TBC1D14: variants seen among roughly 807,000 people sequenced by gnomAD.
TBC1D14 encodes TBC1 domain family, member 14.
In TBC1D14, 26 loss-of-function variants were observed where a neutral mutation model predicts 79.0. That is an observed-to-expected ratio of 0.33 (90% CI 0.24 to 0.46). The LOEUF is 0.46. TBC1D14 is among the 20% of genes least tolerant of loss of function. The probability of loss-of-function intolerance (pLI) is 1.00; values close to 1 mark genes in which losing one functional copy is unlikely to be tolerated. For missense variants in TBC1D14, 769 were observed against 887.6 expected (o/e 0.87, Z 1.70); for synonymous variants, 394 against 349.9 (o/e 1.13, Z -1.40).
intron 3 of TBC1D14, among the ~76,000 whole-genome samples, chr4:6,980,862 C>T (rs1438170055): frequency 1.3e-5 from 2 of 150,834 alleles, no homozygotes; most frequent in African/African-American, 4.9e-5. Flanking sequence ...ACTACAGGCG[C>T]CCGCCACCAC....
At chr4:7,005,705 A>G (rs1720123370) in intron 8 of TBC1D14, among the ~76,000 whole-genome samples, 1 of 152,098 alleles carries the variant, frequency 6.6e-6, no homozygotes, top group Admixed American at 6.5e-5. Flanking sequence ...TCTAAAAAAA[A>G]AAAAAGAAAT....
At chr4:6,933,133 G>T (rs1184637550) in intron 2 of TBC1D14, among the ~76,000 whole-genome samples, 5 of 151,448 alleles carry the variant, frequency 3.3e-5, no homozygotes, top group East Asian at 3.9e-4. Flanking sequence ...CAGCAACAAG[G>T]CTTCTTTTGT....
At chr4:6,933,480 A>T (rs1711994286) in intron 2 of TBC1D14, among the ~76,000 whole-genome samples, 1 of 151,154 alleles carries the variant, frequency 6.6e-6, no homozygotes, top group African/African-American at 2.4e-5. Flanking sequence ...AACTTTTAAA[A>T]TTTTTTGTAG....
At chr4:6,987,798 G>A (rs532399848) in intron 3 of TBC1D14, among the ~76,000 whole-genome samples, 1 of 152,326 alleles carries the variant, frequency 6.6e-6, no homozygotes, top group South Asian at 2.1e-4. Context: ...TGGTCAGGTT[G>A]CAACAGCAAC....
At chr4:6,971,598 CA>C (rs751541474) in intron 3 of TBC1D14, among the ~76,000 whole-genome samples, 1 of 152,180 alleles carries the variant, frequency 6.6e-6, no homozygotes, top group Non-Finnish European at 1.5e-5. Flanking sequence ...ATTTTCTTAA[CA>C]GGGGAAACAA....
At chr4:6,941,944 A>G (rs894215980) in intron 2 of TBC1D14, among the ~76,000 whole-genome samples, 7 of 152,178 alleles carry the variant, frequency 4.6e-5, no homozygotes, top group Non-Finnish European at 1.0e-4. Flanking sequence ...GCGATTCAGT[A>G]TGAAATGCAG....
chr4:6,912,102 A>C (rs1723042238), intron 1 of TBC1D14, among the ~76,000 whole-genome samples: 1 of 152,082 alleles, frequency 6.6e-6, no homozygotes, highest in Admixed American at 6.6e-5. Context: ...CGTATAAATA[A>C]AGTTTCAGCT....
intron 4 of TBC1D14, 76 bp downstream of exon 4, chr4:6,994,378 A>AG: frequency 7.5e-7 from 1 of 1,331,496 alleles, no homozygotes; most frequent in South Asian, 1.2e-5. Flanking sequence ...TTTTCATTAG[A>AG]GAAAAACTAG....
chr4:6,921,052 T>G (rs1017019888), intron 1 of TBC1D14, among the ~76,000 whole-genome samples: 1 of 152,100 alleles, frequency 6.6e-6, no homozygotes, highest in African/African-American at 2.4e-5. Context: ...TGTGCTGGGA[T>G]TACAGGCGTG....
chr4:7,012,671 A>C (rs1720893627), intron 11 of TBC1D14, among the ~76,000 whole-genome samples: 1 of 152,268 alleles, frequency 6.6e-6, no homozygotes, highest in Non-Finnish European at 1.5e-5. Flanking sequence ...CGTAAACTAT[A>C]GTGACTGTTG....
At chr4:6,938,914 G>A (rs1337678871) in intron 2 of TBC1D14, among the ~76,000 whole-genome samples, 1 of 152,204 alleles carries the variant, frequency 6.6e-6, no homozygotes, top group East Asian at 1.9e-4. Flanking sequence ...TATCCGTCCC[G>A]GCTGCAGGAG....
chr4:6,914,283 G>A (rs535356634), intron 1 of TBC1D14, among the ~76,000 whole-genome samples: 2 of 152,276 alleles, frequency 1.3e-5, no homozygotes, highest in East Asian at 1.9e-4. Flanking sequence ...AACATACATG[G>A]GCTGAAACTT....
In TBC1D14 at chr4:7,032,799, C is replaced by T. The variant is rs982656028; in HGVS notation, c.*2407C>T. On this transcript the variant is annotated 3_prime_UTR_variant, in exon 14 of 14. Coordinates refer to ENST00000409757, the MANE Select transcript of TBC1D14 (RefSeq NM_020773.3). Reference sequence around the variant, plus strand: ...GGTCTGCACACTCCACTTCACATGCCGTTGACTCTCACAGTCTAAGACTTC... The same window carrying T: ...GGTCTGCACACTCCACTTCACATGCTGTTGACTCTCACAGTCTAAGACTTC... 2.0e-5 allele frequency: 3 copies of T among 152,344 alleles called. No individual in the cohort carries two copies. The highest frequency in any genetic ancestry group is 4.8e-5 in the African/African-American group (2 of 41,572). 9.4% of individuals were successfully genotyped at this position (152,344 alleles called of 1,614,324 possible).
At chr4:7,027,388 TCACA>T (rs1256062280) in intron 13 of TBC1D14, among the ~76,000 whole-genome samples, 1 of 84,912 alleles carries the variant, frequency 1.2e-5, no homozygotes, top group Admixed American at 1.8e-4. Flanking sequence ...ACCCCCCATC[TCACA>T]CACCCACACA....
chr4:6,943,817 A>G (rs1350250705), intron 2 of TBC1D14, among the ~76,000 whole-genome samples: 2 of 152,270 alleles, frequency 1.3e-5, no homozygotes, highest in Non-Finnish European at 2.9e-5. Context: ...GATAACCTTG[A>G]GTGAATGTGA....
chr4:6,934,235 G>T (rs10937770), intron 2 of TBC1D14, among the ~76,000 whole-genome samples: 1 of 151,058 alleles, frequency 6.6e-6, no homozygotes, highest in Non-Finnish European at 1.5e-5. Flanking sequence ...GCCGGCACCA[G>T]GAGATCTGGG....
chr4:6,998,226 G>C (rs984149371), intron 5 of TBC1D14, among the ~76,000 whole-genome samples: 1 of 152,038 alleles, frequency 6.6e-6, no homozygotes, highest in Non-Finnish European at 1.5e-5. Flanking sequence ...TGGGCCTGGT[G>C]GTGGGCACCT....
In TBC1D14 at chr4:6,979,618, C is replaced by CA. The variant is rs199584665; in HGVS notation, c.843+12202dup. Among the ~76,000 whole-genome samples, 296 of 151,072 alleles carry CA rather than the reference C, an allele frequency of 2.0e-3. 1 individual carries two copies. Among genetic ancestry groups the CA allele is most frequent in the African/African-American group, 6.7e-3 (277 of 41,148 alleles). On this transcript the variant is annotated intron_variant, in intron 3 of 13. Transcript: ENST00000409757. Reference sequence around the variant, plus strand: ...TGAGTGACAGAGTGAGACCCTATCTCAAAAAAAACACAAAACCATAGACCC... The same window carrying CA: ...TGAGTGACAGAGTGAGACCCTATCTCAAAAAAAAACACAAAACCATAGACCC...
intron 3 of TBC1D14, among the ~76,000 whole-genome samples, chr4:6,979,235 C>G (rs1270546829): frequency 6.6e-6 from 1 of 152,104 alleles, no homozygotes. Context: ...AGATGGTAGA[C>G]CTAAATTCAA....
Sources: allele counts gnomAD v4.1 joint callset (sites outside exome capture counted in the v4.1 genomes callset), GRCh38; gene constraint gnomAD v4.1.1; transcripts MANE v1.5; gene names NCBI Gene and HGNC (gene_info 2026-07-23, HGNC 2026-07-21).